The following EPB41 variants were observed in gnomAD, a reference collection of about 807,000 sequenced individuals.
The protein encoded by EPB41 is erythrocyte membrane protein band 4.1.
A neutral mutation model predicts 108.0 loss-of-function variants in EPB41; 65 were observed. The ratio of observed to expected loss-of-function variants is 0.60; its 90% CI spans 0.49 to 0.74. The LOEUF is 0.74. EPB41 is among the 30% of genes least tolerant of loss of function. The pLI, the probability that EPB41 is intolerant of heterozygous loss-of-function variation, is 0.00. For synonymous variants in EPB41, 336 were observed against 358.9 expected, an observed-to-expected ratio of 0.94 and a Z score of 0.72; for missense variants, 875 against 1,037.0, an observed-to-expected ratio of 0.84 and a Z score of 2.15.
chr1:28,897,385 C>CA (rs2090778538), intron 1 of EPB41, among the ~76,000 whole-genome samples: 1 of 151,550 alleles, frequency 6.6e-6, no homozygotes, highest in Non-Finnish European at 1.5e-5. Context: ...CCCATCTCTA[C>CA]AAAAAAATAC....
chr1:28,943,826 T>C (rs1381680546), intron 1 of EPB41, among the ~76,000 whole-genome samples: 1 of 152,100 alleles, frequency 6.6e-6, no homozygotes, highest in Non-Finnish European at 1.5e-5. Context: ...GACTAAATAT[T>C]GAGCTGCCAT....
chr1:28,918,462 C>A (rs2092842636), intron 1 of EPB41, among the ~76,000 whole-genome samples: 1 of 152,174 alleles, frequency 6.6e-6, no homozygotes, highest in African/African-American at 2.4e-5. Context: ...ATTACTTGAA[C>A]ATGGAATCAC....
chr1:28,965,725 T>G (rs1041506884), intron 1 of EPB41, among the ~76,000 whole-genome samples: 1 of 152,166 alleles, frequency 6.6e-6, no homozygotes, highest in African/African-American at 2.4e-5. Context: ...CATTACCATT[T>G]GTAGTGATGC....
At chr1:28,994,164 A>G in intron 3 of EPB41, among the ~76,000 whole-genome samples, 1 of 148,396 alleles carries the variant, frequency 6.7e-6, no homozygotes, top group Non-Finnish European at 1.5e-5. Flanking sequence ...CAAGTTGACA[A>G]TTTTTTTTTT....
chr1:29,046,791 G>T (rs559556960), intron 11 of EPB41, among the ~76,000 whole-genome samples: 24 of 152,138 alleles, frequency 1.6e-4, no homozygotes, highest in African/African-American at 4.3e-4. Flanking sequence ...ATAATAAAAT[G>T]ATTTTTCTCC....
At chr1:29,019,414 G>A (rs2096615493) in intron 7 of EPB41, among the ~76,000 whole-genome samples, 1 of 152,122 alleles carries the variant, frequency 6.6e-6, no homozygotes, top group African/African-American at 2.4e-5. Flanking sequence ...TCTTTCATGT[G>A]GTAAAAAATT....
chr1:29,028,313 A>G (rs899669890), intron 7 of EPB41, among the ~76,000 whole-genome samples: 3 of 152,330 alleles, frequency 2.0e-5, no homozygotes, highest in South Asian at 2.1e-4. Context: ...TTCAAATTCA[A>G]GTGATCCAAA....
intron 16 of EPB41, among the ~76,000 whole-genome samples, chr1:29,082,022 A>G (rs940355054): frequency 3.3e-5 from 5 of 152,250 alleles, no homozygotes; most frequent in African/African-American, 1.2e-4. Flanking sequence ...TCTCAAGAAG[A>G]TAAAACATAG....
At chr1:29,026,557 T>G (rs1395940612) in intron 7 of EPB41, among the ~76,000 whole-genome samples, 1 of 152,096 alleles carries the variant, frequency 6.6e-6, no homozygotes, top group Non-Finnish European at 1.5e-5. Context: ...TCAAAATAGA[T>G]AAGGAAAATA....
chr1:28,938,340 A>T (rs969272687), intron 1 of EPB41, among the ~76,000 whole-genome samples: 2 of 151,854 alleles, frequency 1.3e-5, no homozygotes, highest in Non-Finnish European at 2.9e-5. Flanking sequence ...TGAACATGGG[A>T]TTTTTTCCGC....
intron 7 of EPB41, among the ~76,000 whole-genome samples, chr1:29,029,884 G>A (rs2096767203): frequency 1.3e-5 from 2 of 152,264 alleles, no homozygotes; most frequent in Admixed American, 1.3e-4. Flanking sequence ...AGCCTGCCCC[G>A]ATTAAGAGTC....
At chr1:28,978,378 G>A (rs2095657380) in intron 1 of EPB41, among the ~76,000 whole-genome samples, 1 of 151,420 alleles carries the variant, frequency 6.6e-6, no homozygotes. Flanking sequence ...AATCCCTGAA[G>A]TCTAAAATCC....
chr1:29,056,360 A>G (rs1645452379), intron 12 of EPB41, among the ~76,000 whole-genome samples: 1 of 152,108 alleles, frequency 6.6e-6, no homozygotes, highest in South Asian at 2.1e-4. Context: ...TGTAACTGTA[A>G]ATTTCATTAT....
intron 9 of EPB41, 48 bp downstream of exon 9, chr1:29,033,293 C>G: frequency 6.3e-7 from 1 of 1,595,624 alleles, no homozygotes; most frequent in Non-Finnish European, 8.6e-7. Flanking sequence ...CAGTCTGTAT[C>G]TGAAATATCT....
intron 1 of EPB41, among the ~76,000 whole-genome samples, chr1:28,946,015 G>C (rs460745): frequency 0.12 from 18,719 of 152,126 alleles, 1,589 homozygotes; most frequent in African/African-American, 0.25. Flanking sequence ...TTTGAAAAAA[G>C]TGAGTTTATG....
intron 1 of EPB41, among the ~76,000 whole-genome samples, chr1:28,978,829 A>G (rs554764010): frequency 5.9e-5 from 9 of 151,598 alleles, no homozygotes; most frequent in African/African-American, 2.0e-4. Context: ...GACTTATACC[A>G]GTAGCCCCTC....
intron 1 of EPB41, among the ~76,000 whole-genome samples, chr1:28,947,112 T>C (rs893621927): frequency 6.6e-6 from 1 of 152,176 alleles, no homozygotes; most frequent in African/African-American, 2.4e-5. Context: ...AACTTTAAAC[T>C]TGTTGCTTAA....
chr1:28,956,622 AC>A (rs1166678483), intron 1 of EPB41, among the ~76,000 whole-genome samples: 2 of 152,230 alleles, frequency 1.3e-5, no homozygotes, highest in African/African-American at 4.8e-5. Context: ...ACACAAAACC[AC>A]AAGTAAACCT....
chr1:29,065,101 C>T lies in EPB41; in HGVS notation c.2127C>T (p.Ser709=), dbSNP rs545177837. 1.6e-5 allele frequency: 26 copies of T among 1,613,876 alleles called. No homozygotes were observed. Among genetic ancestry groups the T allele is most frequent in the Non-Finnish European group, 2.1e-5 (25 of 1,179,896 alleles). Reference sequence around the variant, plus strand: ...CTAGTGAATGGGATAAACGCTTATCCACTCACTCACCCTTCCGAACTCTTA... The same window carrying T: ...CTAGTGAATGGGATAAACGCTTATCTACTCACTCACCCTTCCGAACTCTTA... The part of the protein sequence containing the change: ...PRPSEWDKRL[S]THSPFRTLNI... Residue 709 remains serine, a synonymous_variant, in exon 16 of 21, where the codon TCC becomes TCT. Transcript: ENST00000343067.
Sources: allele counts gnomAD v4.1 joint callset (sites outside exome capture counted in the v4.1 genomes callset), GRCh38; gene constraint gnomAD v4.1.1; transcripts MANE v1.5; gene names NCBI Gene and HGNC (gene_info 2026-07-23, HGNC 2026-07-21).